The following USP30 variants were observed in gnomAD, a reference collection of about 807,000 sequenced individuals.
USP30 encodes the protein ubiquitin carboxyl-terminal hydrolase 30.
Under a neutral mutation model 68.2 loss-of-function variants are expected in USP30, and 41 were observed. The ratio of observed to expected loss-of-function variants is 0.60; its 90% CI spans 0.47 to 0.78. USP30 has a LOEUF of 0.78. Ranked by LOEUF, USP30 falls within the 30% of genes least tolerant of loss-of-function variation. USP30 has a pLI of 0.00. For missense variants in USP30, 522 were observed against 649.4 expected, an observed-to-expected ratio of 0.80 and a Z score of 2.13; for synonymous variants, 229 against 253.7, an observed-to-expected ratio of 0.90 and a Z score of 0.93.
intron 3 of USP30, among the ~76,000 whole-genome samples, chr12:109,028,613 G>A (rs1467982041): frequency 6.6e-6 from 1 of 152,162 alleles, no homozygotes; most frequent in Non-Finnish European, 1.5e-5. Context: ...GAGTAGCTGA[G>A]ATTACAGGCG....
chr12:109,086,158 T>A lies in USP30; in HGVS notation c.*227T>A. ...TGGTTCTGTTGTGTTAAGAAAGCATTCATTATGTCCGGAGTGTCTTTTTAC... is the reference window on the plus strand; with the variant it reads ...TGGTTCTGTTGTGTTAAGAAAGCATACATTATGTCCGGAGTGTCTTTTTAC... On this transcript the variant is annotated 3_prime_UTR_variant, in exon 13 of 13. Transcript: ENST00000257548. 1 of 550,970 alleles carries A rather than the reference T, an allele frequency of 1.8e-6. No individual in the cohort carries two copies. The highest frequency in any genetic ancestry group is 3.1e-6 in the Non-Finnish European group (1 of 320,922). The allele number at this position is 550,970 out of a possible 1,614,324, so 34.1% of individuals were successfully genotyped here. A position where few individuals can be genotyped will look rare whatever the true frequency, so the allele number is the denominator to read the frequency against.
chr12:109,087,374 G>A lies in USP30; in HGVS notation c.*1443G>A, dbSNP rs1035893271. 6.6e-6 allele frequency: 1 copy of A among 152,178 alleles called. No individual in the cohort carries two copies. Among genetic ancestry groups the A allele is most frequent in the African/African-American group, 2.4e-5 (1 of 41,432 alleles). The allele number at this position is 152,178 out of a possible 1,614,324, so 9.4% of individuals were successfully genotyped here. The stretch of plus-strand genomic sequence containing the variant: ...TGCCTTGGCAGCAGCTCACAGTGCA[G>A]GAAGCCCAGGTGATCACTCTTCTGC... On this transcript the variant is annotated 3_prime_UTR_variant, in exon 13 of 13. Coordinates refer to ENST00000257548, the MANE Select transcript of USP30 (RefSeq NM_032663.5).
upstream of USP30, among the ~76,000 whole-genome samples, chr12:109,049,635 T>C (rs1270697754): frequency 2.0e-5 from 3 of 151,644 alleles, no homozygotes; most frequent in Admixed American, 2.0e-4. Context: ...GCCAACACAG[T>C]GGAACCCCAT....
intron 3 of USP30, among the ~76,000 whole-genome samples, chr12:109,062,395 C>A (rs2041100586): frequency 7.4e-6 from 1 of 135,626 alleles, no homozygotes; most frequent in Non-Finnish European, 1.5e-5. Flanking sequence ...AGTGCGGTGG[C>A]ATGATCTCGG....
chr12:109,043,881 T>C (rs1780592764), intron 3 of USP30, among the ~76,000 whole-genome samples: 2 of 152,226 alleles, frequency 1.3e-5, no homozygotes, highest in Admixed American at 1.3e-4. Context: ...TCCAAATGCA[T>C]TGAAAGCAGG....
chr12:109,071,793 CA>C, intron 5 of USP30, 83 bp downstream of exon 5: 2 of 1,286,780 alleles, frequency 1.6e-6, no homozygotes, highest in Non-Finnish European at 2.2e-6. Context: ...AATCTTTGTA[CA>C]ACTTTAAAAG....
chr12:109,079,345 T>C (rs2041719715), intron 7 of USP30, among the ~76,000 whole-genome samples: 2 of 129,310 alleles, frequency 1.5e-5, no homozygotes, highest in African/African-American at 6.8e-5. Context: ...TTTTCTTTTT[T>C]TTTTTCTTTT....
intron 4 of USP30, 143 bp from the exon 5 acceptor site, chr12:109,071,469 G>GT (rs2041439385): frequency 1.6e-6 from 1 of 634,220 alleles, no homozygotes; most frequent in East Asian, 2.7e-5. Flanking sequence ...GGACATAACT[G>GT]TTTTCTTTAA....
At chr12:109,039,384 T>C (rs2040546263) in intron 3 of USP30, among the ~76,000 whole-genome samples, 1 of 152,184 alleles carries the variant, frequency 6.6e-6, no homozygotes, top group Non-Finnish European at 1.5e-5. Flanking sequence ...CCAAAAAGGT[T>C]TGGGTGGGAA....
intron 7 of USP30, among the ~76,000 whole-genome samples, chr12:109,076,410 CTTT>C (rs60618572): frequency 3.7e-5 from 5 of 135,676 alleles, no homozygotes; most frequent in African/African-American, 1.1e-4. Context: ...ATCTTTATTC[CTTT>C]TTTTTTTTTT....
intron 4 of USP30, among the ~76,000 whole-genome samples, chr12:109,068,125 T>G (rs1384985180): frequency 6.6e-6 from 1 of 152,168 alleles, no homozygotes. Flanking sequence ...CAACTACAGC[T>G]TTGCTGCCTT....
At position 109,052,632 on chromosome 12, in the gene USP30, G is replaced by GGCGGCA. The variant is rs2135692131; in HGVS notation, c.-42_-41insAGCGGC. On this transcript the variant is annotated 5_prime_UTR_variant, in exon 1 of 13. Coordinates refer to ENST00000257548, the MANE Select transcript of USP30 (RefSeq NM_032663.5). ...TCGTATCCCTCGGTCCGGCGGCGGC[G>GGCGGCA]GCGGCGGTAGCGGAGGAGACGGTTT... 6.9e-7 allele frequency: 1 copy of GGCGGCA among 1,452,094 alleles called. No individual in the cohort carries two copies. The highest frequency in any genetic ancestry group is 9.0e-7 in the Non-Finnish European group (1 of 1,108,626). 90.0% of individuals were successfully genotyped at this position (1,452,094 alleles called of 1,614,324 possible). A position where few individuals can be genotyped will look rare whatever the true frequency, so the allele number is the denominator to read the frequency against.
chr12:109,052,171 G>T (rs928798132), upstream of USP30, among the ~76,000 whole-genome samples: 1 of 152,186 alleles, frequency 6.6e-6, no homozygotes, highest in African/African-American at 2.4e-5. Context: ...GGCTATTAAA[G>T]ACGTTGATTT....
At chr12:109,071,259 A>G (rs749074724) in intron 4 of USP30, among the ~76,000 whole-genome samples, 1 of 152,266 alleles carries the variant, frequency 6.6e-6, no homozygotes, top group Admixed American at 6.5e-5. Flanking sequence ...TCATGTTAAG[A>G]TGATAAATGT....
At chr12:109,050,813 T>C (rs1368584675), upstream of USP30, among the ~76,000 whole-genome samples, 2 of 152,132 alleles carry the variant, frequency 1.3e-5, no homozygotes, top group East Asian at 3.8e-4. Context: ...TCAAGCAGCC[T>C]GACCAACATG....
In USP30 at chr12:109,075,847, T is replaced by C. The variant is rs563952379; in HGVS notation, c.720+2315T>C. ...TTTAATCATGTTACTTTTTCTTTTTTTTTTTTTTTTTGCTGTTGGTCCATA... is the reference window on the plus strand; with the variant it reads ...TTTAATCATGTTACTTTTTCTTTTTCTTTTTTTTTTTGCTGTTGGTCCATA... On this transcript the variant is annotated intron_variant, in intron 7 of 12. Transcript: ENST00000257548. 9.1e-3 allele frequency among the ~76,000 whole-genome samples: 1,383 copies of C among 151,334 alleles called. 12 individuals are homozygous for C. Among genetic ancestry groups the C allele is most frequent in the South Asian group, 0.039 (189 of 4,796 alleles).
rs200435024 is a variant in USP30 at position 109,085,750 on chromosome 12, G to A, written c.1373G>A (p.Arg458Gln). ...TCTGGACACTTTGTCACTTACCGAC[G>A]GTCCCCACCTTCTGCCAGGAACCCT... ...MHSGHFVTYRRSPPSARNPLS... is the reference protein window; with the variant it reads ...MHSGHFVTYRQSPPSARNPLS... The change falls in exon 13 of 13, where the codon CGG becomes CAG. Residue 458 changes from arginine (R) to glutamine (Q), a missense_variant. By Grantham distance (43) the Arg-to-Gln change is conservative (BLOSUM62 1). Transcript: ENST00000257548. The A allele has an allele frequency of 2.9e-5, 46 of 1,614,032 alleles. No homozygotes were observed. Among genetic ancestry groups the A allele is most frequent in the Non-Finnish European group, 3.6e-5 (43 of 1,180,028 alleles).
chr12:109,081,762 T>G, intron 8 of USP30, 171 bp from the exon 9 acceptor site: 1 of 674,232 alleles, frequency 1.5e-6, no homozygotes, highest in Non-Finnish European at 2.6e-6. Context: ...GTAGTAGCAG[T>G]CTAGGGTGCT....
In USP30 at chr12:109,058,073, A is replaced by G; in HGVS notation, c.341A>G (p.Gln114Arg). ...GATCAGAAGGAGCCCCCCTCACACCAGTATTTATCCTTAACACTCTTGCAC... is the reference window on the plus strand; with the variant it reads ...GATCAGAAGGAGCCCCCCTCACACCGGTATTTATCCTTAACACTCTTGCAC... ...SRDQKEPPSH[Q>R]YLSLTLLHLL... The change falls in exon 3 of 13, where the codon CAG becomes CGG. Residue 114 changes from glutamine to arginine, a missense_variant. Physicochemically the swap from Gln to Arg is conservative, Grantham distance 43. Transcript: ENST00000257548. 6.2e-7 allele frequency: 1 copy of G among 1,613,922 alleles called. No individual in the cohort carries two copies. Among genetic ancestry groups the G allele is most frequent in the Non-Finnish European group, 8.5e-7 (1 of 1,179,948 alleles).
Sources: gnomAD v4.1 joint callset for allele counts (sites outside exome capture counted in the v4.1 genomes callset) on GRCh38, gnomAD v4.1.1 for gene constraint, MANE v1.5 for transcripts, NCBI Gene and HGNC (gene_info 2026-07-23, HGNC 2026-07-21) for gene names.